The following CREM variants were observed in gnomAD, a reference collection of about 807,000 sequenced individuals.
CREM encodes the protein cAMP-responsive element modulator.
In CREM, 13 loss-of-function variants were observed where a neutral mutation model predicts 37.3. The ratio of observed to expected loss-of-function variants is 0.35; its 90% CI spans 0.23 to 0.55. The LOEUF (loss-of-function observed/expected upper bound fraction) is 0.55. Ranked by LOEUF, CREM falls within the 20% of genes least tolerant of loss-of-function variation. CREM has a pLI of 0.88. For missense variants in CREM, 296 were observed against 362.3 expected (o/e 0.82, Z 1.49); for synonymous variants, 124 against 120.2 (o/e 1.03, Z -0.21).
chr10:35,204,667 G>A (rs2095478400), intron 6 of CREM, among the ~76,000 whole-genome samples: 2 of 150,982 alleles, frequency 1.3e-5, no homozygotes, highest in African/African-American at 4.9e-5. Context: ...AGAAGGAAAA[G>A]GCAGTACAAC....
chr10:35,208,217 AAG>A (rs2095581656), intron 7 of CREM, among the ~76,000 whole-genome samples: 1 of 152,196 alleles, frequency 6.6e-6, no homozygotes, highest in Non-Finnish European at 1.5e-5. Flanking sequence ...AAATAACAAA[AAG>A]AATTAAAATC....
At chr10:35,207,343 A>G (rs1227563539) in intron 7 of CREM, among the ~76,000 whole-genome samples, 2 of 151,998 alleles carry the variant, frequency 1.3e-5, no homozygotes, top group East Asian at 3.9e-4. Context: ...GCAGTGAGCC[A>G]AGATCGTGCC....
intron 6 of CREM, among the ~76,000 whole-genome samples, chr10:35,206,021 G>A (rs1051962021): frequency 6.6e-6 from 1 of 151,826 alleles, no homozygotes; most frequent in Non-Finnish European, 1.5e-5. Context: ...GGCCAAGGTG[G>A]GAGGATCACG....
At chr10:35,176,058 TTCAC>T in intron 3 of CREM, 1 of 1,508,188 alleles carries the variant, frequency 6.6e-7, no homozygotes, top group Non-Finnish European at 8.8e-7. Context: ...TTTTTCCTCT[TTCAC>T]TAATTCATTT....
rs554328441 is a variant in CREM at position 35,147,879 on chromosome 10, C to T, written c.45-489C>T. On this transcript the variant is annotated intron_variant, in intron 2 of 7. Transcript: ENST00000685392. ...AAAAGAAAAGATGAGAGAGTTAGGACTCTACTATTGAACCTGTTTCTTGAA... is the reference window on the plus strand; with the variant it reads ...AAAAGAAAAGATGAGAGAGTTAGGATTCTACTATTGAACCTGTTTCTTGAA... 9.8e-5 allele frequency among the ~76,000 whole-genome samples: 15 copies of T among 152,286 alleles called. No individual in the cohort carries two copies. The East Asian group carries it at 1.9e-3, about 20-fold the overall frequency.
chr10:35,171,047 T>C (rs183686874), intron 3 of CREM: 1 of 152,176 alleles, frequency 6.6e-6, no homozygotes, highest in African/African-American at 2.4e-5. Flanking sequence ...TTTGGACATA[T>C]GGAAGTTTCC....
chr10:35,195,179 A>G, intron 6 of CREM: 1 of 1,613,910 alleles, frequency 6.2e-7, no homozygotes, highest in Non-Finnish European at 8.5e-7. Context: ...TTCTGTCTGC[A>G]GAAGCCCATT....
chr10:35,201,489 A>T (rs1382477483), intron 6 of CREM: 4 of 1,551,564 alleles, frequency 2.6e-6, no homozygotes, highest in Non-Finnish European at 3.5e-6. Flanking sequence ...CATGGCTGGT[A>T]AGTGGCAGAG....
intron 6 of CREM, among the ~76,000 whole-genome samples, chr10:35,203,556 G>A (rs1040832313): frequency 5.3e-5 from 8 of 152,118 alleles, no homozygotes; most frequent in African/African-American, 1.7e-4. Context: ...GCTGGGAGCG[G>A]TGGTGGGCGT....
chr10:35,200,240 A>G (rs1331248876), intron 6 of CREM, among the ~76,000 whole-genome samples: 6 of 152,170 alleles, frequency 3.9e-5, no homozygotes, highest in African/African-American at 9.7e-5. Flanking sequence ...AGTAGAGCAT[A>G]TATTTGCTAT....
intron 3 of CREM, among the ~76,000 whole-genome samples, chr10:35,149,889 A>ACACACACAC (rs57052032): frequency 1.8e-5 from 2 of 111,922 alleles, no homozygotes; most frequent in East Asian, 5.5e-4. Context: ...CTTTTGCTTA[A>ACACACACAC]ACACACACAC....
At chr10:35,148,022 A>G (rs976793517) in intron 2 of CREM, among the ~76,000 whole-genome samples, 1 of 152,224 alleles carries the variant, frequency 6.6e-6, no homozygotes. Flanking sequence ...ATTGTTTCAG[A>G]ATTTGGAATT....
At chr10:35,177,299 C>T (rs1159217600) in intron 3 of CREM, among the ~76,000 whole-genome samples, 2 of 151,938 alleles carry the variant, frequency 1.3e-5, no homozygotes, top group Non-Finnish European at 2.9e-5. Context: ...TCTTTTTTTC[C>T]TGTGATGGCC....
At chr10:35,132,028 C>T (rs982120454) in intron 1 of CREM, among the ~76,000 whole-genome samples, 23 of 152,132 alleles carry the variant, frequency 1.5e-4, no homozygotes, top group Middle Eastern at 3.4e-3. Flanking sequence ...TGGTGAAACC[C>T]CGTCTCTACT....
chr10:35,168,142 AT>A (rs2093639953), intron 3 of CREM, among the ~76,000 whole-genome samples: 1 of 152,160 alleles, frequency 6.6e-6, no homozygotes, highest in South Asian at 2.1e-4. Flanking sequence ...GTCAAATGGT[AT>A]TTCTAGTTCT....
chr10:35,177,345 A>C (rs911564270), intron 3 of CREM, among the ~76,000 whole-genome samples: 4 of 152,190 alleles, frequency 2.6e-5, no homozygotes, highest in Admixed American at 2.6e-4. Flanking sequence ...TTCTGACACT[A>C]ATTATAAAAC....
intron 6 of CREM, chr10:35,196,276 T>C: frequency 1.8e-6 from 1 of 541,936 alleles, no homozygotes. Flanking sequence ...CTTTTACTTG[T>C]TCTCCCAGCC....
At chr10:35,128,583 T>G (rs898842140) in intron 1 of CREM, among the ~76,000 whole-genome samples, 1 of 149,924 alleles carries the variant, frequency 6.7e-6, no homozygotes, top group Admixed American at 6.7e-5. Flanking sequence ...TGGAGTGCAG[T>G]GGTCCGCTCT....
At chr10:35,176,067 T>A in intron 3 of CREM, 1 of 1,498,594 alleles carries the variant, frequency 6.7e-7, no homozygotes, top group Admixed American at 2.5e-5. Flanking sequence ...TTTCACTAAT[T>A]CATTTATCAT....
Sources: gnomAD v4.1 joint callset for allele counts (sites outside exome capture counted in the v4.1 genomes callset) on GRCh38, gnomAD v4.1.1 for gene constraint, MANE v1.5 for transcripts, NCBI Gene and HGNC (gene_info 2026-07-23, HGNC 2026-07-21) for gene names.